The following NFASC variants were observed in gnomAD, a reference collection of about 807,000 sequenced individuals.
NFASC encodes the protein neurofascin.
A neutral mutation model predicts 147.5 loss-of-function variants in NFASC; 43 were observed. That is an observed-to-expected ratio of 0.29 (90% CI 0.23 to 0.38). The LOEUF (loss-of-function observed/expected upper bound fraction) is 0.38, where lower values mean the gene tolerates loss of function less well. Ranked by LOEUF, NFASC falls within the 10% of genes least tolerant of loss-of-function variation. The pLI is 1.00. For synonymous variants in NFASC, 622 were observed against 665.5 expected, an observed-to-expected ratio of 0.93 and a Z score of 1.01; for missense variants, 1,320 against 1,689.0, an observed-to-expected ratio of 0.78 and a Z score of 3.83.
intron 19 of NFASC, 119 bp from the exon 20 acceptor site, chr1:204,980,251 T>C (rs1263351418): frequency 1.3e-6 from 1 of 769,252 alleles, no homozygotes; most frequent in African/African-American, 1.7e-5. Context: ...AGCGTATACA[T>C]AGATGCCGAG....
intron 2 of NFASC, among the ~76,000 whole-genome samples, chr1:204,925,783 A>G (rs774114975): frequency 6.6e-6 from 1 of 152,228 alleles, no homozygotes; most frequent in Admixed American, 6.5e-5. Context: ...CAGAATAAGC[A>G]GCTTGATTTG....
intron 8 of NFASC, among the ~76,000 whole-genome samples, chr1:204,966,975 C>CT (rs1177360054): frequency 2.0e-5 from 3 of 152,164 alleles, no homozygotes; most frequent in African/African-American, 7.2e-5. Context: ...CAGCAAGCTC[C>CT]TTTAGGAAGC....
chr1:204,830,006 G>GGGGTGTGT (rs1159206312), intron 1 of NFASC, among the ~76,000 whole-genome samples: 29 of 144,102 alleles, frequency 2.0e-4, no homozygotes, highest in African/African-American at 7.0e-4. Context: ...TTTGGCATGG[G>GGGGTGTGT]GTGTGTGTGT....
In NFASC at chr1:205,018,032, T is replaced by C. The variant is rs576532654; in HGVS notation, c.*1493T>C. 1 of 152,948 alleles carries C rather than the reference T, an allele frequency of 6.5e-6. No individual in the cohort carries two copies. Among genetic ancestry groups the C allele is most frequent in the South Asian group, 2.1e-4 (1 of 4,830 alleles). The allele number at this position is 152,948 out of a possible 1,614,324, so 9.5% of individuals were successfully genotyped here. A position where few individuals can be genotyped will look rare whatever the true frequency, so the allele number is the denominator to read the frequency against. On this transcript the variant is annotated 3_prime_UTR_variant, in exon 30 of 30. Transcript: ENST00000339876. ...GCCACTCAACACACGTCCTCACCAG[T>C]CACCCCAAATGGAGACACTCGCAGA...
intron 8 of NFASC, among the ~76,000 whole-genome samples, chr1:204,961,514 G>T (rs2094665350): frequency 6.6e-6 from 1 of 152,268 alleles, no homozygotes; most frequent in Non-Finnish European, 1.5e-5. Context: ...GATCATAGTG[G>T]TGCCCACCTG....
rs200418223 is a variant in NFASC at position 204,984,039 on chromosome 1, C to T, written c.2470+2019C>T. Reference sequence around the variant, plus strand: ...CAACACATTGCAGATCCCAGGGCTGCGCCCACTGAAGTTAAAGTCCGAGTC... The same window carrying T: ...CAACACATTGCAGATCCCAGGGCTGTGCCCACTGAAGTTAAAGTCCGAGTC... On this transcript the variant is annotated intron_variant, in intron 21 of 29. Coordinates refer to ENST00000339876, the MANE Select transcript of NFASC (RefSeq NM_001005388.3). 157 of 1,611,356 alleles carry T rather than the reference C, an allele frequency of 9.7e-5. 1 individual carries two copies. The Admixed American group carries it at 2.4e-3, about 24-fold the overall frequency.
Position 204,973,472 on chromosome 1 carries a change from C to T in NFASC, c.1279+53C>T, listed in dbSNP as rs1457964643. On this transcript the variant is annotated intron_variant, in intron 12 of 29. Transcript: ENST00000339876. ...CCCCTCCTCTCCACTACTGCACAGT[C>T]GCCCTGGGGCTTGGTTATGTCGTGG... 2.8e-5 allele frequency: 44 copies of T among 1,598,500 alleles called. No individual in the cohort carries two copies. The South Asian group carries it at 4.1e-4, about 15-fold the overall frequency.
chr1:204,982,307 A>G (rs1029221638), intron 21 of NFASC, among the ~76,000 whole-genome samples: 2 of 152,244 alleles, frequency 1.3e-5, no homozygotes, highest in Non-Finnish European at 2.9e-5. Flanking sequence ...GCAGTGTTCC[A>G]TAGTCATCAA....
At chr1:204,915,832 G>A (rs2089118566) in intron 1 of NFASC, among the ~76,000 whole-genome samples, 1 of 152,080 alleles carries the variant, frequency 6.6e-6, no homozygotes, top group Non-Finnish European at 1.5e-5. Context: ...AAGAGATCCC[G>A]GGACCAGCTT....
chr1:204,954,130 C>T lies in NFASC; in HGVS notation c.216-58C>T. The T allele has an allele frequency of 1.3e-6, 2 of 1,518,300 alleles. No individual in the cohort carries two copies. Among genetic ancestry groups the T allele is most frequent in the Non-Finnish European group, 1.8e-6 (2 of 1,095,190 alleles). 94.1% of individuals were successfully genotyped at this position (1,518,300 alleles called of 1,614,324 possible). On this transcript the variant is annotated intron_variant, in intron 5 of 29. Transcript: ENST00000339876. The surrounding 1 kb of genome is among the most constrained non-coding windows in gnomAD (Gnocchi z 5.7). The stretch of plus-strand genomic sequence containing the variant: ...CAGGGACTAGGGATCTGAGATCTGC[C>T]TGGAGCCCAGAGCCCACCCCATTCG...
chr1:204,865,371 A>G (rs57014452), intron 1 of NFASC, among the ~76,000 whole-genome samples: 4,896 of 152,304 alleles, frequency 0.032, 256 homozygotes, highest in East Asian at 0.21. Flanking sequence ...GTATTCACCT[A>G]TTTTCAGACC....
chr1:204,934,981 G>C (rs946254707), intron 2 of NFASC, among the ~76,000 whole-genome samples: 9 of 152,360 alleles, frequency 5.9e-5, no homozygotes, highest in African/African-American at 2.2e-4. Flanking sequence ...ACAAGACACT[G>C]TCTTAGCCTC....
chr1:204,985,821 C>T, intron 21 of NFASC: 1 of 819,420 alleles, frequency 1.2e-6, no homozygotes. Context: ...CTGTAGCAAG[C>T]AAAGGAAAGA....
chr1:204,850,726 C>A (rs923991458), intron 1 of NFASC, among the ~76,000 whole-genome samples: 1 of 152,218 alleles, frequency 6.6e-6, no homozygotes, highest in African/African-American at 2.4e-5. Flanking sequence ...TGAGGCCTCC[C>A]AGCCATGCTT....
intron 2 of NFASC, among the ~76,000 whole-genome samples, chr1:204,939,670 G>A (rs536777103): frequency 6.6e-6 from 1 of 152,384 alleles, no homozygotes; most frequent in African/African-American, 2.4e-5. Context: ...GAAGTGCTGG[G>A]AGAGGAACCC....
intron 1 of NFASC, among the ~76,000 whole-genome samples, chr1:204,878,976 A>G (rs2079576594): frequency 6.6e-6 from 1 of 152,172 alleles, no homozygotes; most frequent in South Asian, 2.1e-4. Flanking sequence ...ATTTCTTCCT[A>G]CAGTTTGATT....
At chr1:204,982,709 C>T (rs965528618) in intron 21 of NFASC, among the ~76,000 whole-genome samples, 2 of 152,254 alleles carry the variant, frequency 1.3e-5, no homozygotes, top group African/African-American at 4.8e-5. Context: ...CACATCAATC[C>T]TGTAGGCTGC....
chr1:204,871,357 C>G (rs112384891), intron 1 of NFASC, among the ~76,000 whole-genome samples: 1 of 152,088 alleles, frequency 6.6e-6, no homozygotes, highest in African/African-American at 2.4e-5. Flanking sequence ...GAAGAGAGGC[C>G]AAGGACAAGG....
At position 204,968,126 on chromosome 1, in the gene NFASC, G is replaced by C; in HGVS notation, c.707-123G>C. ...TTAATGATGCCCAAGTCCTTGGGATGGTTTCAGCTGGGAGGATCCGGCAGG... is the reference window on the plus strand; with the variant it reads ...TTAATGATGCCCAAGTCCTTGGGATCGTTTCAGCTGGGAGGATCCGGCAGG... On this transcript the variant is annotated intron_variant, in intron 8 of 29. Transcript: ENST00000339876. This position sits in a 1 kb window ranked among gnomAD's most constrained non-coding sequence, Gnocchi z 5.4. The C allele has an allele frequency of 4.3e-6, 3 of 705,334 alleles. No homozygotes were observed. In the South Asian group the frequency reaches 5.0e-5, roughly 12 times the overall value. The allele number at this position is 705,334 out of a possible 1,614,324, so 43.7% of individuals were successfully genotyped here. A position where few individuals can be genotyped will look rare whatever the true frequency, so the allele number is the denominator to read the frequency against.
Sources: allele counts gnomAD v4.1 joint callset (sites outside exome capture counted in the v4.1 genomes callset), GRCh38; gene constraint gnomAD v4.1.1; non-coding constraint Gnocchi (gnomAD v3.1); transcripts MANE v1.5; gene names NCBI Gene and HGNC (gene_info 2026-07-23, HGNC 2026-07-21).